The following PTGES3L variants were observed in gnomAD, a reference collection of about 807,000 sequenced individuals.
The protein encoded by PTGES3L is putative protein PTGES3L.
Under a neutral mutation model 25.0 loss-of-function variants are expected in PTGES3L, and 17 were observed. The observed-to-expected ratio is 0.68, with a 90% CI of 0.47 to 1.02. The LOEUF is 1.02. PTGES3L is among the 50% of genes least tolerant of loss of function. The pLI is 0.00. For missense variants in PTGES3L, 202 were observed against 197.5 expected, an observed-to-expected ratio of 1.02 and a Z score of -0.14; for synonymous variants, 59 against 65.7, an observed-to-expected ratio of 0.90 and a Z score of 0.50.
intron 4 of PTGES3L, 76 bp downstream of exon 4, chr17:42,979,094 G>T: frequency 6.6e-7 from 1 of 1,506,194 alleles, no homozygotes; most frequent in Middle Eastern, 1.7e-4. Context: ...ATATTGGCTG[G>T]AAAGGAGGCA....
chr17:42,971,504 G>T, intron 5 of PTGES3L, 103 bp downstream of exon 5: 1 of 1,255,096 alleles, frequency 8.0e-7, no homozygotes, highest in African/African-American at 1.5e-5. Flanking sequence ...TAGAGAGCTT[G>T]CATATCTCTG....
At chr17:42,973,105 G>T (rs1371068569) in intron 4 of PTGES3L, among the ~76,000 whole-genome samples, 1 of 146,528 alleles carries the variant, frequency 6.8e-6, no homozygotes, top group Non-Finnish European at 1.5e-5. Flanking sequence ...CGTCTGAGAA[G>T]TGAGGAGCCT....
At chr17:42,979,735 C>T (rs1457173121) in intron 1 of PTGES3L, 72 bp from the exon 2 acceptor site, 1 of 1,553,924 alleles carries the variant, frequency 6.4e-7, no homozygotes, top group African/African-American at 1.4e-5. Flanking sequence ...GAAGGGACTA[C>T]CCAGGGACCT....
chr17:42,974,300 C>T (rs759719540), intron 4 of PTGES3L, among the ~76,000 whole-genome samples: 1 of 146,858 alleles, frequency 6.8e-6, no homozygotes, highest in Non-Finnish European at 1.5e-5. Flanking sequence ...GTGGAAGCTG[C>T]AGTAAGCTGA....
chr17:42,974,981 C>G (rs2049928457), intron 4 of PTGES3L, among the ~76,000 whole-genome samples: 1 of 151,514 alleles, frequency 6.6e-6, no homozygotes, highest in East Asian at 1.9e-4. Context: ...ACAAAAAATA[C>G]AAAAATTAGC....
intron 1 of PTGES3L, 26 bp downstream of exon 1, chr17:42,980,020 G>A (rs1213379453): frequency 6.5e-7 from 1 of 1,545,082 alleles, no homozygotes; most frequent in East Asian, 2.4e-5. Context: ...AGGGCCAGGG[G>A]GAGCACCGGA....
chr17:42,971,860 C>G, intron 4 of PTGES3L, 164 bp from the exon 5 acceptor site: 1 of 614,932 alleles, frequency 1.6e-6, no homozygotes, highest in South Asian at 1.9e-5. Flanking sequence ...AATCTACACA[C>G]AAAGCTAGGC....
chr17:42,968,959 G>A lies in PTGES3L; in HGVS notation c.*189C>T, dbSNP rs2049780318. 1 of 539,612 alleles carries A rather than the reference G, an allele frequency of 1.9e-6. No individual in the cohort carries two copies. The highest frequency in any genetic ancestry group is 3.1e-5 in the Admixed American group (1 of 32,338). The allele number at this position is 539,612 out of a possible 1,614,324, so 33.4% of individuals were successfully genotyped here. ...TCCCCGACCCTGCATCTGATGTGGA[G>A]CCATAGTCAAGTGCCTAGGAGGAAG... On this transcript the variant is annotated 3_prime_UTR_variant, in exon 7 of 7. Transcript: ENST00000591916.
chr17:42,978,902 A>T (rs749928181), intron 4 of PTGES3L, among the ~76,000 whole-genome samples: 8 of 152,174 alleles, frequency 5.3e-5, no homozygotes, highest in Non-Finnish European at 1.0e-4. Flanking sequence ...CAGGAGGCTG[A>T]GGCAGGAGAA....
At position 42,979,372 on chromosome 17, in the gene PTGES3L, C is replaced by T; in HGVS notation, c.189+6G>A. ...TCCAAACCTTACTGTCCCATTTCAC[C>T]CTTACCTTGGAGTTCACTTTGGCAT... On this transcript the variant is annotated splice_donor_region_variant and intron_variant, in intron 3 of 6. Coordinates refer to ENST00000591916, the MANE Select transcript of PTGES3L (RefSeq NM_001261430.2). 1.2e-6 allele frequency: 2 copies of T among 1,614,150 alleles called. No homozygotes were observed. Among genetic ancestry groups the T allele is most frequent in the East Asian group, 4.5e-5 (2 of 44,886 alleles).
chr17:42,979,027 AAGAG>A (rs1025734481), intron 4 of PTGES3L, 139 bp downstream of exon 4: 9 of 838,732 alleles, frequency 1.1e-5, no homozygotes, highest in South Asian at 3.3e-5. Flanking sequence ...TAAAAATAAA[AAGAG>A]AGACTAATAC....
rs1382448991 is a variant in PTGES3L at position 42,979,362 on chromosome 17, C to T, written c.189+16G>A. 9 of 1,614,146 alleles carry T rather than the reference C, an allele frequency of 5.6e-6. No individual in the cohort carries two copies. Among genetic ancestry groups the T allele is most frequent in the African/African-American group, 1.3e-5 (1 of 75,030 alleles). On this transcript the variant is annotated intron_variant, in intron 3 of 6. Transcript: ENST00000591916. ...CCGGTTTCCATCCAAACCTTACTGTCCCATTTCACCCTTACCTTGGAGTTC... is the reference window on the plus strand; with the variant it reads ...CCGGTTTCCATCCAAACCTTACTGTTCCATTTCACCCTTACCTTGGAGTTC...
At chr17:42,977,604 CAAAAAA>C (rs1271032462) in intron 4 of PTGES3L, among the ~76,000 whole-genome samples, 1 of 52,590 alleles carries the variant, frequency 1.9e-5, no homozygotes, top group Non-Finnish European at 3.6e-5. Context: ...AACTCTGTCT[CAAAAAA>C]AAAAAAAAGA....
At position 42,979,433 on chromosome 17, in the gene PTGES3L, G is replaced by A; in HGVS notation, c.134C>T (p.Ala45Val). The A allele has an allele frequency of 6.2e-7, 1 of 1,614,128 alleles. No individual in the cohort carries two copies. The highest frequency in any genetic ancestry group is 1.7e-5 in the Admixed American group (1 of 60,002). Residue 45 changes from alanine (A) to valine (V), a missense_variant, in exon 3 of 7, where the codon GCC becomes GTC. By Grantham distance (64) the Ala-to-Val change is moderately conservative. Transcript: ENST00000591916. ...CTCATTGTACAACTCCACTCCATCGGCATTCTTGCAGCTGAGGAGACAATG... is the reference window on the plus strand; with the variant it reads ...CTCATTGTACAACTCCACTCCATCGACATTCTTGCAGCTGAGGAGACAATG... ...DHRIVFSCKN[A>V]DGVELYNEIE...
At chr17:42,970,676 G>GCGCGCGCACA (rs1490786473) in intron 5 of PTGES3L, among the ~76,000 whole-genome samples, 10 of 144,092 alleles carry the variant, frequency 6.9e-5, no homozygotes, top group Non-Finnish European at 1.1e-4. Flanking sequence ...CTTAACACGC[G>GCGCGCGCACA]CACACACACA....
chr17:42,979,791 G>A, intron 1 of PTGES3L, 128 bp from the exon 2 acceptor site: 6 of 1,434,124 alleles, frequency 4.2e-6, no homozygotes, highest in South Asian at 2.6e-5. Flanking sequence ...AGACAGAAGG[G>A]GTGAAAGGGA....
Position 42,979,628 on chromosome 17 carries a change from C to A in PTGES3L, c.44G>T (p.Arg15Met), listed in dbSNP as rs35444712. 144,146 of 1,613,992 alleles carry A rather than the reference C, an allele frequency of 0.089. 8,057 individuals are homozygous for A. Among genetic ancestry groups the A allele is most frequent in the African/African-American group, 0.25 (18,788 of 74,922 alleles). Reference protein sequence around the residue: ...HARTLWYDRPRYVFMEFCVED... With the variant: ...HARTLWYDRPMYVFMEFCVED... ...AACACAAAACTCCATGAACACATACCTGGGCCTGTCGTACCACAAGGTCCG... is the reference window on the plus strand; with the variant it reads ...AACACAAAACTCCATGAACACATACATGGGCCTGTCGTACCACAAGGTCCG... The change falls in exon 2 of 7, where the codon AGG becomes ATG. Residue 15 changes from arginine to methionine, a missense_variant. By Grantham distance (91) the Arg-to-Met change is moderately conservative (BLOSUM62 -1). Coordinates refer to ENST00000591916, the MANE Select transcript of PTGES3L (RefSeq NM_001261430.2).
chr17:42,970,471 A>G (rs1241752449), intron 5 of PTGES3L, 129 bp from the exon 6 acceptor site: 4 of 939,558 alleles, frequency 4.3e-6, no homozygotes, highest in Non-Finnish European at 6.4e-6. Context: ...TTAAAACATC[A>G]CTGGAATTAA....
intron 4 of PTGES3L, among the ~76,000 whole-genome samples, chr17:42,974,467 TC>T (rs1448800161): frequency 6.6e-6 from 1 of 151,328 alleles, no homozygotes; most frequent in African/African-American, 2.4e-5. Context: ...AGTTATTCAC[TC>T]CTTCATTCAA....
Sources: allele counts gnomAD v4.1 joint callset (sites outside exome capture counted in the v4.1 genomes callset), GRCh38; gene constraint gnomAD v4.1.1; transcripts MANE v1.5; gene names NCBI Gene and HGNC (gene_info 2026-07-23, HGNC 2026-07-21).